Variants in SLC24A2 observed in about 807,000 individuals in gnomAD.
SLC24A2 encodes the protein solute carrier family 24 member 2, also known as sodium/potassium/calcium exchanger 2.
A neutral mutation model predicts 62.0 loss-of-function variants in SLC24A2; 36 were observed. The observed-to-expected ratio is 0.58, with a 90% CI of 0.44 to 0.77. The LOEUF is 0.77. SLC24A2 is among the 30% of genes least tolerant of loss of function. The pLI is 0.00. For synonymous variants in SLC24A2, 358 were observed against 294.0 expected, an observed-to-expected ratio of 1.22 and a Z score of -2.23; for missense variants, 846 against 817.9, an observed-to-expected ratio of 1.03 and a Z score of -0.42.
the SLC24A2 span, among the ~76,000 whole-genome samples, chr9:19,969,591 C>CCA: frequency 6.6e-6 from 1 of 152,154 alleles, no homozygotes; most frequent in Non-Finnish European, 1.5e-5. Context: ...TTAGCTACTT[C>CCA]CAGTGCCTCT....
At chr9:20,257,590 G>T in the SLC24A2 span, among the ~76,000 whole-genome samples, 1 of 152,160 alleles carries the variant, frequency 6.6e-6, no homozygotes, top group East Asian at 1.9e-4. Flanking sequence ...AGAAAGAGAG[G>T]TGATTTTAAA....
the SLC24A2 span, among the ~76,000 whole-genome samples, chr9:20,292,417 A>G: frequency 4.6e-5 from 7 of 152,246 alleles, no homozygotes; most frequent in Non-Finnish European, 1.0e-4. Flanking sequence ...AAGATGAGGT[A>G]AGTCACATAT....
chr9:19,990,851 CA>C, the SLC24A2 span, among the ~76,000 whole-genome samples: 2,519 of 126,504 alleles, frequency 0.02, 68 homozygotes, highest in African/African-American at 0.058. Context: ...TCTTGGTTAT[CA>C]AAAAAAAAAA....
chr9:19,801,354 G>A, the SLC24A2 span, among the ~76,000 whole-genome samples: 1 of 152,214 alleles, frequency 6.6e-6, no homozygotes, highest in Non-Finnish European at 1.5e-5. Flanking sequence ...GTGCCTCGCT[G>A]GTTCAGGAGC....
chr9:20,253,547 A>C, the SLC24A2 span, among the ~76,000 whole-genome samples: 269 of 152,304 alleles, frequency 1.8e-3, 4 homozygotes, highest in Non-Finnish European at 2.4e-3. Context: ...TTGGCTCCGC[A>C]CTGGGATCAT....
intron 2 of SLC24A2, among the ~76,000 whole-genome samples, chr9:19,689,500 TC>T (rs1373049386): frequency 6.6e-6 from 1 of 152,168 alleles, no homozygotes; most frequent in Non-Finnish European, 1.5e-5. Flanking sequence ...ATATTCATTT[TC>T]CTACAGAGTA....
the SLC24A2 span, among the ~76,000 whole-genome samples, chr9:20,213,631 G>A: frequency 6.6e-5 from 10 of 152,196 alleles, 1 homozygote; most frequent in South Asian, 2.1e-3. Context: ...CACAGCCATG[G>A]AGCTTTTTAA....
At chr9:20,288,152 G>A in the SLC24A2 span, among the ~76,000 whole-genome samples, 1 of 152,142 alleles carries the variant, frequency 6.6e-6, no homozygotes, top group African/African-American at 2.4e-5. Context: ...AGTACTTAGT[G>A]ACTTGCAACC....
chr9:19,945,941 G>C, the SLC24A2 span, among the ~76,000 whole-genome samples: 3 of 152,202 alleles, frequency 2.0e-5, no homozygotes, highest in Non-Finnish European at 4.4e-5. Flanking sequence ...TGGCAGTTTA[G>C]GGATTGTCTG....
At chr9:19,977,113 T>TTGTGTGTGTGTGTGTGTGTGTG in the SLC24A2 span, among the ~76,000 whole-genome samples, 1 of 145,216 alleles carries the variant, frequency 6.9e-6, no homozygotes, top group African/African-American at 2.6e-5. Flanking sequence ...ATTTCTATAT[T>TTGTGTGTGTGTGTGTGTGTGTG]TGTGTGTGTG....
At chr9:19,736,595 T>C (rs900611042) in intron 2 of SLC24A2, among the ~76,000 whole-genome samples, 1 of 152,022 alleles carries the variant, frequency 6.6e-6, no homozygotes, top group African/African-American at 2.4e-5. Context: ...TGCCAGCACT[T>C]TGAGAGGCTG....
At chr9:20,099,395 T>C in the SLC24A2 span, among the ~76,000 whole-genome samples, 2 of 152,210 alleles carry the variant, frequency 1.3e-5, no homozygotes, top group African/African-American at 2.4e-5. Context: ...CATTACCTTT[T>C]CTGAACTGAA....
chr9:19,889,244 A>G, the SLC24A2 span, among the ~76,000 whole-genome samples: 3 of 152,316 alleles, frequency 2.0e-5, no homozygotes, highest in African/African-American at 7.2e-5. Flanking sequence ...CTAAACAAAC[A>G]TGGTATAAAG....
chr9:20,269,330 G>T, the SLC24A2 span, among the ~76,000 whole-genome samples: 1 of 152,074 alleles, frequency 6.6e-6, no homozygotes, highest in Non-Finnish European at 1.5e-5. Flanking sequence ...TGGAAACTGG[G>T]GATATGGCTA....
At chr9:20,185,124 T>C in the SLC24A2 span, among the ~76,000 whole-genome samples, 1 of 152,084 alleles carries the variant, frequency 6.6e-6, no homozygotes, top group Non-Finnish European at 1.5e-5. Context: ...GGTCAAAGGA[T>C]ACAAAATTGT....
At chr9:20,106,762 G>A in the SLC24A2 span, among the ~76,000 whole-genome samples, 1 of 152,220 alleles carries the variant, frequency 6.6e-6, no homozygotes, top group African/African-American at 2.4e-5. Flanking sequence ...GACAAAAACT[G>A]GAAGCATTCC....
chr9:19,522,201 T>A (rs1015848905), intron 9 of SLC24A2, among the ~76,000 whole-genome samples: 1 of 152,090 alleles, frequency 6.6e-6, no homozygotes. Context: ...GTTCTTACTA[T>A]GTTGCCCAGG....
chr9:19,582,528 G>GA (rs1836238484), intron 5 of SLC24A2, among the ~76,000 whole-genome samples: 1 of 152,022 alleles, frequency 6.6e-6, no homozygotes, highest in Non-Finnish European at 1.5e-5. Flanking sequence ...GAGAAGAAAG[G>GA]AAAAAATAAC....
At chr9:19,618,652 C>A (rs967137643) in intron 4 of SLC24A2, among the ~76,000 whole-genome samples, 7 of 152,050 alleles carry the variant, frequency 4.6e-5, no homozygotes, top group African/African-American at 1.7e-4. Flanking sequence ...TTTAGCAAAG[C>A]CTTATATTGG....
Sources: allele counts gnomAD v4.1 joint callset (sites outside exome capture counted in the v4.1 genomes callset), GRCh38; gene constraint gnomAD v4.1.1; transcripts MANE v1.5; gene names NCBI Gene and HGNC (gene_info 2026-07-23, HGNC 2026-07-21).